DIAPH3: variants seen among roughly 807,000 people sequenced by gnomAD.
The protein encoded by DIAPH3 is diaphanous related formin 3, also known as protein diaphanous homolog 3.
Under a neutral mutation model 144.3 loss-of-function variants are expected in DIAPH3, and 117 were observed. The observed-to-expected ratio is 0.81, with a 90% confidence interval of 0.70 to 0.95. DIAPH3 has a LOEUF of 0.95. DIAPH3 is among the 40% of genes least tolerant of loss of function. DIAPH3 has a pLI of 0.00. For missense variants in DIAPH3, 1,421 were observed against 1,412.7 expected, an observed-to-expected ratio of 1.01 and a Z score of -0.09; for synonymous variants, 519 against 488.9, an observed-to-expected ratio of 1.06 and a Z score of -0.81.
At chr13:59,710,891 T>G (rs921271115) in intron 27 of DIAPH3, among the ~76,000 whole-genome samples, 9 of 152,162 alleles carry the variant, frequency 5.9e-5, no homozygotes, top group Non-Finnish European at 1.2e-4. Flanking sequence ...AGCAACACAA[T>G]TTATTATACA....
chr13:59,801,978 A>G (rs1485000154), intron 25 of DIAPH3, among the ~76,000 whole-genome samples: 1 of 152,094 alleles, frequency 6.6e-6, no homozygotes, highest in African/African-American at 2.4e-5. Context: ...CCTCTTTGAG[A>G]TAATCACTTT....
intron 9 of DIAPH3, among the ~76,000 whole-genome samples, chr13:59,996,773 A>T (rs1431059492): frequency 6.6e-6 from 1 of 152,082 alleles, no homozygotes; most frequent in South Asian, 2.1e-4. Flanking sequence ...AGAACAGGGC[A>T]AACGATCAAA....
intron 20 of DIAPH3, among the ~76,000 whole-genome samples, chr13:59,880,925 G>A (rs2044980298): frequency 7.1e-6 from 1 of 140,976 alleles, no homozygotes; most frequent in Non-Finnish European, 1.5e-5. Flanking sequence ...TTTAAGGAAC[G>A]TCTTCATATT....
chr13:60,041,451 G>A (rs1312514920), intron 5 of DIAPH3, among the ~76,000 whole-genome samples: 1 of 152,146 alleles, frequency 6.6e-6, no homozygotes, highest in African/African-American at 2.4e-5. Flanking sequence ...AAATAAAGTT[G>A]AAATATACTA....
chr13:59,920,552 GTA>G (rs779778070), intron 18 of DIAPH3, among the ~76,000 whole-genome samples: 3 of 149,964 alleles, frequency 2.0e-5, no homozygotes, highest in Admixed American at 6.7e-5. Flanking sequence ...ACATATATAT[GTA>G]TATATATATA....
chr13:60,143,391 C>T (rs1951364380), intron 1 of DIAPH3, among the ~76,000 whole-genome samples: 1 of 152,302 alleles, frequency 6.6e-6, no homozygotes, highest in African/African-American at 2.4e-5. Flanking sequence ...CACTTAAACT[C>T]TCTGAGCCTG....
At chr13:60,159,471 C>A (rs901110548) in intron 1 of DIAPH3, among the ~76,000 whole-genome samples, 1 of 151,800 alleles carries the variant, frequency 6.6e-6, no homozygotes, top group Admixed American at 6.6e-5. Flanking sequence ...ACTAAAAATA[C>A]AAAATTAGCC....
At chr13:59,750,404 A>T (rs893325119) in intron 27 of DIAPH3, among the ~76,000 whole-genome samples, 1 of 152,160 alleles carries the variant, frequency 6.6e-6, no homozygotes. Context: ...TTCATCTCTA[A>T]ATACCTACAG....
chr13:59,682,950 T>G (rs1334408372), intron 27 of DIAPH3, among the ~76,000 whole-genome samples: 1 of 152,214 alleles, frequency 6.6e-6, no homozygotes, highest in African/African-American at 2.4e-5. Context: ...AAGCGGTACT[T>G]TAATGCAGAT....
intron 27 of DIAPH3, among the ~76,000 whole-genome samples, chr13:59,699,439 T>G (rs529354136): frequency 6.6e-6 from 1 of 152,158 alleles, no homozygotes; most frequent in South Asian, 2.1e-4. Context: ...TGGGGACAGA[T>G]GGTTTGGCCC....
At chr13:60,111,588 A>C (rs982139334) in intron 3 of DIAPH3, among the ~76,000 whole-genome samples, 1 of 152,192 alleles carries the variant, frequency 6.6e-6, no homozygotes, top group Admixed American at 6.5e-5. Flanking sequence ...TGAACTGTGC[A>C]CGCTTCTTAT....
At chr13:59,881,650 T>C (rs925676585) in intron 20 of DIAPH3, among the ~76,000 whole-genome samples, 2 of 152,060 alleles carry the variant, frequency 1.3e-5, no homozygotes, top group African/African-American at 4.8e-5. Context: ...TAACCTAGAT[T>C]TGTATGAATA....
intron 12 of DIAPH3, among the ~76,000 whole-genome samples, chr13:59,984,540 T>A (rs2051260001): frequency 1.3e-5 from 2 of 151,758 alleles, no homozygotes; most frequent in Non-Finnish European, 1.5e-5. Flanking sequence ...TCCCTTAAGA[T>A]TTTGAAAGGA....
intron 4 of DIAPH3, among the ~76,000 whole-genome samples, chr13:60,084,171 T>C (rs756437469): frequency 3.3e-5 from 5 of 152,038 alleles, no homozygotes; most frequent in African/African-American, 4.8e-5. Flanking sequence ...TAGGCTAAAA[T>C]ATACACAAAA....
At chr13:59,973,885 T>C (rs960133525) in intron 15 of DIAPH3, among the ~76,000 whole-genome samples, 1 of 152,122 alleles carries the variant, frequency 6.6e-6, no homozygotes, top group Non-Finnish European at 1.5e-5. Flanking sequence ...TTACTCTCTT[T>C]TTTGTCATGT....
intron 27 of DIAPH3, among the ~76,000 whole-genome samples, chr13:59,678,026 CAT>C (rs1257082134): frequency 2.6e-5 from 4 of 152,130 alleles, no homozygotes; most frequent in Non-Finnish European, 5.9e-5. Flanking sequence ...TAGTTCTGTA[CAT>C]GTTTTAGTAA....
chr13:59,822,748 C>A (rs2041142374), intron 24 of DIAPH3, among the ~76,000 whole-genome samples: 1 of 151,986 alleles, frequency 6.6e-6, no homozygotes, highest in African/African-American at 2.4e-5. Context: ...GCCATATGAA[C>A]CTAATTATGT....
At chr13:59,746,211 C>T (rs1166916297) in intron 27 of DIAPH3, among the ~76,000 whole-genome samples, 1 of 151,768 alleles carries the variant, frequency 6.6e-6, no homozygotes, top group African/African-American at 2.4e-5. Flanking sequence ...AAATATAAGC[C>T]AGCTGGGTTT....
At chr13:60,159,931 A>G (rs1015494129) in intron 1 of DIAPH3, among the ~76,000 whole-genome samples, 1 of 152,104 alleles carries the variant, frequency 6.6e-6, no homozygotes, top group African/African-American at 2.4e-5. Context: ...CAAGGTGAAA[A>G]AATCTCAAAA....
Sources: allele counts gnomAD v4.1 joint callset (sites outside exome capture counted in the v4.1 genomes callset), GRCh38; gene constraint gnomAD v4.1.1; transcripts MANE v1.5; gene names NCBI Gene and HGNC (gene_info 2026-07-23, HGNC 2026-07-21).